Variants in MADD observed in about 807,000 individuals in gnomAD.
MADD encodes the protein MAP kinase-activating death domain protein.
In MADD, 109 loss-of-function variants were observed where a neutral mutation model predicts 176.7. The ratio of observed to expected loss-of-function variants is 0.62; its 90% CI spans 0.53 to 0.72. The LOEUF (loss-of-function observed/expected upper bound fraction) is 0.72, where lower values mean the gene tolerates loss of function less well. Among genes scored for constraint, MADD ranks in the 30% least tolerant of loss-of-function variants. The pLI, the probability that MADD is intolerant of heterozygous loss-of-function variation, is 0.00. For synonymous variants in MADD, 771 were observed against 771.3 expected (o/e 1.00, Z 0.01); for missense variants, 1,914 against 2,045.5 (o/e 0.94, Z 1.24).
chr11:47,317,271 A>G (rs1714229955), intron 27 of MADD, among the ~76,000 whole-genome samples: 1 of 152,184 alleles, frequency 6.6e-6, no homozygotes. Flanking sequence ...ACTGATAGTC[A>G]TACTGTGAAT....
intron 30 of MADD, chr11:47,324,814 G>A (rs531371558): frequency 3.0e-6 from 2 of 666,324 alleles, no homozygotes; most frequent in South Asian, 1.6e-5. Context: ...CAGGAGCGAG[G>A]CCAGGTGGCC....
chr11:47,289,349 C>A, intron 15 of MADD, 42 bp from the exon 17 acceptor site: 1 of 1,505,002 alleles, frequency 6.6e-7, no homozygotes, highest in South Asian at 1.1e-5. Flanking sequence ...AGCTCCTGTA[C>A]TACAATAGTG....
At chr11:47,281,575 G>T (rs1395274720) in exon 8 of MADD, 1 of 1,604,120 alleles carries the variant, frequency 6.2e-7, no homozygotes, top group Non-Finnish European at 8.5e-7. Flanking sequence ...TGTTCCACAG[G>T]CCTTGGCCAG....
At position 47,290,599 on chromosome 11, in the gene MADD, T is replaced by G. The variant is rs748022112; in HGVS notation, c.3095-11T>G. The G allele has an allele frequency of 6.2e-7, 1 of 1,610,106 alleles. No individual in the cohort carries two copies. The highest frequency in any genetic ancestry group is 1.7e-5 in the Admixed American group (1 of 59,594). ...ACTACTTCTCTTGACCTCTTGATAT[T>G]TTTCCCTCAGAACCAGACAAGCGGA... On this transcript the variant is annotated splice_polypyrimidine_tract_variant and intron_variant, in intron 18 of 32. Coordinates refer to ENST00000402192, the Ensembl canonical transcript of MADD.
At chr11:47,298,149 T>G (rs2074594604) in intron 22 of MADD, among the ~76,000 whole-genome samples, 1 of 152,212 alleles carries the variant, frequency 6.6e-6, no homozygotes, top group African/African-American at 2.4e-5. Flanking sequence ...AAAATTAAAT[T>G]GGCAACGGGG....
chr11:47,314,658 A>C (rs1180897518), intron 26 of MADD, among the ~76,000 whole-genome samples: 2 of 152,176 alleles, frequency 1.3e-5, no homozygotes, highest in Non-Finnish European at 2.9e-5. Context: ...GTTAAAGAAG[A>C]ATACGTCTAT....
At chr11:47,324,619 TG>T in intron 30 of MADD, 42 bp downstream of exon 33, 4 of 1,391,160 alleles carry the variant, frequency 2.9e-6, no homozygotes, top group Non-Finnish European at 4.0e-6. Context: ...TCGTTCCATC[TG>T]TAAGAAGGAC....
intron 19 of MADD, among the ~76,000 whole-genome samples, chr11:47,291,671 A>G (rs1440732593): frequency 2.0e-5 from 3 of 152,170 alleles, no homozygotes; most frequent in Non-Finnish European, 4.4e-5. Flanking sequence ...CTCCTGCCTC[A>G]TGTGATGTTG....
chr11:47,306,444 CT>C (rs2082700323), intron 22 of MADD, among the ~76,000 whole-genome samples: 1 of 152,218 alleles, frequency 6.6e-6, no homozygotes, highest in East Asian at 1.9e-4. Context: ...GGCTCCTTCT[CT>C]GGAGGGAGCA....
chr11:47,290,249 C>T, exon 18 of MADD: 1 of 1,614,146 alleles, frequency 6.2e-7, no homozygotes. Context: ...GGTGGCATGG[C>T]CAGCATCTTT....
intron 26 of MADD, among the ~76,000 whole-genome samples, chr11:47,312,737 C>T (rs1357781732): frequency 6.6e-6 from 1 of 152,204 alleles, no homozygotes; most frequent in Admixed American, 6.5e-5. Flanking sequence ...ACCTGGCTTA[C>T]ACTCTTAGTT....
At chr11:47,328,850 A>G (rs2095761212) in intron 32 of MADD, 146 bp downstream of exon 36, 1 of 1,114,944 alleles carries the variant, frequency 9.0e-7, no homozygotes, top group Non-Finnish European at 1.3e-6. Context: ...AGGCTGAAAC[A>G]GGTCTTGAGC....
At chr11:47,304,998 C>T (rs773456615) in intron 22 of MADD, among the ~76,000 whole-genome samples, 9 of 152,188 alleles carry the variant, frequency 5.9e-5, no homozygotes, top group Non-Finnish European at 1.3e-4. Flanking sequence ...TGTGTAGCTT[C>T]TTCAGCTGCA....
chr11:47,290,693 C>T (rs768730247), exon 19 of MADD: 5 of 1,614,078 alleles, frequency 3.1e-6, no homozygotes, highest in Middle Eastern at 1.7e-4. Context: ...GCGGGGGGAC[C>T]CAAAGGCTAT....
intron 14 of MADD, among the ~76,000 whole-genome samples, chr11:47,285,895 C>G (rs1258394876): frequency 6.6e-6 from 1 of 152,192 alleles, no homozygotes; most frequent in African/African-American, 2.4e-5. Flanking sequence ...TGGAAATACT[C>G]TGGTCAAATT....
intron 13 of MADD, 123 bp downstream of exon 13, chr11:47,285,317 A>G: frequency 6.5e-7 from 1 of 1,538,588 alleles, no homozygotes; most frequent in Non-Finnish European, 8.8e-7. Context: ...CCATCCCCAG[A>G]GGATGGTGTT....
At chr11:47,327,849 G>T in intron 31 of MADD, 3 of 985,388 alleles carry the variant, frequency 3.0e-6, no homozygotes, top group Middle Eastern at 5.2e-4. Flanking sequence ...AGTCTCAAGG[G>T]GCCATGATGG....
At chr11:47,312,356 C>A (rs935636151) in intron 26 of MADD, among the ~76,000 whole-genome samples, 10 of 152,038 alleles carry the variant, frequency 6.6e-5, no homozygotes, top group African/African-American at 2.4e-4. Flanking sequence ...TCAAGCGATT[C>A]TCATGCCTCA....
chr11:47,277,123 TCCTC>T (rs2050748226), intron 5 of MADD, among the ~76,000 whole-genome samples: 1 of 152,210 alleles, frequency 6.6e-6, no homozygotes, highest in Non-Finnish European at 1.5e-5. Flanking sequence ...ATACAGTAGT[TCCTC>T]CTTATCTGTG....
Sources: allele counts gnomAD v4.1 joint callset (sites outside exome capture counted in the v4.1 genomes callset), GRCh38; gene constraint gnomAD v4.1.1; transcripts MANE v1.5; gene names NCBI Gene and HGNC (gene_info 2026-07-23, HGNC 2026-07-21).